The following STAG1 variants were observed in gnomAD, a reference collection of about 807,000 sequenced individuals.
STAG1 encodes STAG1 cohesin complex component, also known as cohesin subunit SA-1.
In STAG1, 26 loss-of-function variants were observed where a neutral mutation model predicts 170.9. The ratio of observed to expected loss-of-function variants is 0.15; its 90% CI spans 0.11 to 0.21. The LOEUF is 0.21. STAG1 is among the 10% of genes least tolerant of loss of function. STAG1 has a pLI of 1.00. For missense variants in STAG1, 964 were observed against 1,509.5 expected, an observed-to-expected ratio of 0.64 and a Z score of 5.99; for synonymous variants, 514 against 497.7, an observed-to-expected ratio of 1.03 and a Z score of -0.44.
intron 1 of STAG1, among the ~76,000 whole-genome samples, chr3:136,672,617 G>C (rs1197294517): frequency 6.6e-6 from 1 of 152,100 alleles, no homozygotes; most frequent in Non-Finnish European, 1.5e-5. Context: ...AAAAAAGCTT[G>C]TCATCACAGT....
Position 136,568,820 on chromosome 3 carries a change from C to T in STAG1, c.339G>A (p.Arg113=), listed in dbSNP as rs551407726. Residue 113 remains arginine (R), a synonymous_variant, in exon 5 of 34, where the codon AGG becomes AGA. Coordinates refer to ENST00000383202, the MANE Select transcript of STAG1 (RefSeq NM_005862.3). ...TGATTAAATCCAGAAGTGCGATGTC[C>T]CTGTCTTGTTTATATGATTCAATCC... ...DDWIESYKQD[R]DIALLDLINF... 3.9e-5 allele frequency: 63 copies of T among 1,612,262 alleles called. 1 individual carries two copies. In the South Asian group the frequency reaches 6.9e-4, roughly 18 times the overall value.
intron 5 of STAG1, among the ~76,000 whole-genome samples, chr3:136,545,668 A>G (rs537458349): frequency 4.6e-5 from 7 of 152,266 alleles, no homozygotes; most frequent in Non-Finnish European, 1.0e-4. Context: ...TTAATCGTAA[A>G]TATCTTGGGA....
In STAG1 at chr3:136,420,027, T is replaced by C. The variant is rs552094707; in HGVS notation, c.2108+1066A>G. ...CTTTGGGAGGCCGAGTGCCAGTGGA[T>C]TGCTTGAGGTCAGGAGTTCAAGACC... On this transcript the variant is annotated intron_variant, in intron 20 of 33. Transcript: ENST00000383202. Among the ~76,000 whole-genome samples the C allele has an allele frequency of 2.6e-4, 39 of 151,906 alleles. No individual in the cohort carries two copies. The South Asian group carries it at 5.0e-3, about 20-fold the overall frequency.
intron 1 of STAG1, among the ~76,000 whole-genome samples, chr3:136,751,919 G>A (rs1490121055): frequency 6.6e-6 from 1 of 150,844 alleles, no homozygotes; most frequent in Non-Finnish European, 1.5e-5. Context: ...GGTGCCCGCG[G>A]GAGGGGTGGC....
chr3:136,748,953 C>A (rs1187958741), intron 1 of STAG1, among the ~76,000 whole-genome samples: 1 of 152,080 alleles, frequency 6.6e-6, no homozygotes, highest in African/African-American at 2.4e-5. Context: ...GTAAGCTGAT[C>A]AAGTGGGGTT....
At chr3:136,600,905 GTTTGAGA>G (rs1938645446) in intron 4 of STAG1, among the ~76,000 whole-genome samples, 1 of 88,564 alleles carries the variant, frequency 1.1e-5, no homozygotes, top group Non-Finnish European at 2.8e-5. Context: ...GTTTTGTTTT[GTTTGAGA>G]AGAAGTCTTC....
At chr3:136,373,712 G>A (rs1396215518) in intron 23 of STAG1, among the ~76,000 whole-genome samples, 2 of 152,166 alleles carry the variant, frequency 1.3e-5, no homozygotes, top group Non-Finnish European at 2.9e-5. Context: ...TGGTCTGAGA[G>A]ACAGTTTGTT....
At chr3:136,633,644 G>A (rs971127962) in intron 1 of STAG1, among the ~76,000 whole-genome samples, 1 of 138,656 alleles carries the variant, frequency 7.2e-6, no homozygotes, top group Non-Finnish European at 1.5e-5. Flanking sequence ...AGGTTGCAGT[G>A]AGCTAAGATT....
chr3:136,700,869 T>A (rs1943035080), intron 1 of STAG1, among the ~76,000 whole-genome samples: 2 of 144,988 alleles, frequency 1.4e-5, no homozygotes, highest in Non-Finnish European at 3.0e-5. Flanking sequence ...TGTGCTCTAT[T>A]TTTTTTCTTT....
intron 1 of STAG1, among the ~76,000 whole-genome samples, chr3:136,656,952 A>G (rs1288031273): frequency 6.6e-6 from 1 of 152,030 alleles, no homozygotes; most frequent in East Asian, 1.9e-4. Flanking sequence ...ATAAATACAT[A>G]AATGAAAATA....
intron 4 of STAG1, among the ~76,000 whole-genome samples, chr3:136,603,701 G>A (rs911917638): frequency 2.0e-5 from 3 of 152,070 alleles, no homozygotes; most frequent in Admixed American, 2.0e-4. Context: ...TGGGTAACAC[G>A]GTGAAACCCC....
At chr3:136,393,418 A>C (rs1249251717) in intron 22 of STAG1, among the ~76,000 whole-genome samples, 1 of 152,042 alleles carries the variant, frequency 6.6e-6, no homozygotes, top group Non-Finnish European at 1.5e-5. Flanking sequence ...GAGGCAGGAG[A>C]ATCCTTTGAA....
At chr3:136,678,925 A>C (rs1403430926) in intron 1 of STAG1, among the ~76,000 whole-genome samples, 1 of 149,514 alleles carries the variant, frequency 6.7e-6, no homozygotes, top group Admixed American at 6.6e-5. Flanking sequence ...TGCCTGCTGT[A>C]GTACTAGCTA....
chr3:136,711,995 G>A (rs776735498), intron 1 of STAG1, among the ~76,000 whole-genome samples: 22 of 152,080 alleles, frequency 1.4e-4, no homozygotes, highest in Non-Finnish European at 2.8e-4. Context: ...AAAACCTGAC[G>A]TATGTACCTA....
At chr3:136,742,780 T>C (rs1304924366) in intron 1 of STAG1, among the ~76,000 whole-genome samples, 3 of 151,062 alleles carry the variant, frequency 2.0e-5, no homozygotes, top group Non-Finnish European at 2.9e-5. Context: ...TAAAAGAAGA[T>C]ATCACAAATT....
chr3:136,599,738 A>G (rs1576650941), intron 4 of STAG1, among the ~76,000 whole-genome samples: 1 of 152,226 alleles, frequency 6.6e-6, no homozygotes, highest in East Asian at 1.9e-4. Flanking sequence ...TGGCACCTAA[A>G]GCAGTATTTT....
intron 15 of STAG1, 90 bp from the exon 16 acceptor site, chr3:136,433,749 C>T: frequency 2.4e-6 from 2 of 838,814 alleles, no homozygotes; most frequent in Non-Finnish European, 3.8e-6. Context: ...AAACTGAAAA[C>T]ATTCTATTAC....
At chr3:136,577,737 T>C (rs755940986) in intron 4 of STAG1, among the ~76,000 whole-genome samples, 4 of 151,926 alleles carry the variant, frequency 2.6e-5, no homozygotes, top group African/African-American at 9.7e-5. Context: ...CAGAAGAAAA[T>C]AGCTTATATA....
intron 1 of STAG1, among the ~76,000 whole-genome samples, chr3:136,647,149 T>C (rs898694389): frequency 1.3e-5 from 2 of 152,124 alleles, no homozygotes; most frequent in Non-Finnish European, 1.5e-5. Flanking sequence ...ATAAATACCA[T>C]GCATAAATAA....
Sources: gnomAD v4.1 joint callset for allele counts (sites outside exome capture counted in the v4.1 genomes callset) on GRCh38, gnomAD v4.1.1 for gene constraint, MANE v1.5 for transcripts, NCBI Gene and HGNC (gene_info 2026-07-23, HGNC 2026-07-21) for gene names.